Variants in FGF14 observed in about 807,000 individuals in gnomAD.
The protein encoded by FGF14 is fibroblast growth factor homologous factor 4.
FGF14 carries 5 observed loss-of-function variants against 25.5 expected under a neutral mutation model. That is an observed-to-expected ratio of 0.20 (90% CI 0.10 to 0.41). The LOEUF is 0.41. Among genes scored for constraint, FGF14 ranks in the 10% least tolerant of loss-of-function variants. The probability of loss-of-function intolerance (pLI) is 1.00; values close to 1 mark genes in which losing one functional copy is unlikely to be tolerated. For synonymous variants in FGF14, 138 were observed against 118.3 expected (o/e 1.17, Z -1.08); for missense variants, 222 against 320.1 (o/e 0.69, Z 2.34).
At chr13:102,216,078 A>G (rs2050358316) in intron 1 of FGF14, among the ~76,000 whole-genome samples, 1 of 152,230 alleles carries the variant, frequency 6.6e-6, no homozygotes, top group Admixed American at 6.5e-5. Flanking sequence ...GCAGTGGTAG[A>G]AAGAAAAACA....
At position 101,857,704 on chromosome 13, in the gene FGF14, G is replaced by A. The variant is rs138113653; in HGVS notation, c.408+11021C>T. 5.5e-4 allele frequency among the ~76,000 whole-genome samples: 84 copies of A among 152,050 alleles called. 2 individuals carry two copies. The South Asian group carries it at 0.016, about 28-fold the overall frequency. ...TTAGGTCCCACAAGACTGCATCTGC[G>A]TCTATCTTTGTCATCACTATTTTTC... On this transcript the variant is annotated intron_variant, in intron 3 of 4. Transcript: ENST00000376143.
At chr13:101,863,374 T>C (rs915002735) in intron 3 of FGF14, among the ~76,000 whole-genome samples, 3 of 152,108 alleles carry the variant, frequency 2.0e-5, no homozygotes, top group Admixed American at 2.0e-4. Flanking sequence ...CTGCCTGCAA[T>C]GGATGTTGAT....
intron 3 of FGF14, among the ~76,000 whole-genome samples, chr13:101,792,265 A>C (rs2040279859): frequency 6.6e-6 from 1 of 152,126 alleles, no homozygotes; most frequent in Non-Finnish European, 1.5e-5. Flanking sequence ...ATTTGAGGAA[A>C]AGAGCTGTGG....
At chr13:102,251,877 T>A (rs898050679) in intron 1 of FGF14, among the ~76,000 whole-genome samples, 5 of 152,164 alleles carry the variant, frequency 3.3e-5, no homozygotes, top group African/African-American at 1.2e-4. Context: ...CACACCCTTA[T>A]CTAAATATCA....
intron 1 of FGF14, among the ~76,000 whole-genome samples, chr13:101,993,592 G>A (rs1025168031): frequency 1.7e-4 from 26 of 152,022 alleles, no homozygotes; most frequent in African/African-American, 6.0e-4. Context: ...ACTCGAAGGG[G>A]CTTGCACTAC....
rs143007324 is a variant in FGF14 at position 102,095,062 on chromosome 13, G to A, written c.209-219766C>T. Among the ~76,000 whole-genome samples, 479 of 152,204 alleles carry A rather than the reference G, an allele frequency of 3.1e-3. 4 individuals carry two copies. The highest frequency in any genetic ancestry group is 5.0e-3 in the Non-Finnish European group (340 of 67,998). On this transcript the variant is annotated intron_variant, in intron 1 of 4. Coordinates refer to the FGF14 transcript ENST00000376131. The stretch of plus-strand genomic sequence containing the variant: ...GAAGGATCATACCATTGGAGATACC[G>A]TCATTGTTATAGAAAATGCCCTGAA...
chr13:101,894,340 G>A (rs982679379), intron 1 of FGF14, among the ~76,000 whole-genome samples: 1 of 152,072 alleles, frequency 6.6e-6, no homozygotes, highest in Non-Finnish European at 1.5e-5. Flanking sequence ...TAGCTTGCTG[G>A]TGCTTCTAAT....
At chr13:102,201,014 A>G (rs148402949) in intron 1 of FGF14, among the ~76,000 whole-genome samples, 1,640 of 146,494 alleles carry the variant, frequency 0.011, 26 homozygotes, top group African/African-American at 0.038. Context: ...AGGCAGGAGA[A>G]TGGCGTGAAC....
At chr13:101,895,755 G>T (rs924806680) in intron 1 of FGF14, among the ~76,000 whole-genome samples, 1 of 152,184 alleles carries the variant, frequency 6.6e-6, no homozygotes, top group Non-Finnish European at 1.5e-5. Flanking sequence ...AAAAATGAAA[G>T]GAGAGATTTG....
At chr13:102,326,895 G>A (rs1173352464) in intron 1 of FGF14, among the ~76,000 whole-genome samples, 1 of 152,184 alleles carries the variant, frequency 6.6e-6, no homozygotes, top group Non-Finnish European at 1.5e-5. Context: ...AGTAGAATAT[G>A]ATTTTGAAAC....
intron 1 of FGF14, among the ~76,000 whole-genome samples, chr13:101,895,887 G>A (rs190274635): frequency 6.6e-6 from 1 of 152,272 alleles, no homozygotes; most frequent in East Asian, 1.9e-4. Flanking sequence ...GTTTCCTGGT[G>A]AGCCTGAGGG....
At chr13:101,748,698 TG>T (rs1310573344) in intron 3 of FGF14, among the ~76,000 whole-genome samples, 2 of 146,880 alleles carry the variant, frequency 1.4e-5, no homozygotes, top group African/African-American at 5.1e-5. Flanking sequence ...GCATTGTTTG[TG>T]GAATTATAAA....
At position 101,714,336 on chromosome 13, in the gene FGF14, T is replaced by C; in HGVS notation, c.*8495A>G. The C allele has an allele frequency of 1.3e-6, 1 of 748,934 alleles. No individual in the cohort carries two copies. The highest frequency in any genetic ancestry group is 2.4e-6 in the Non-Finnish European group (1 of 414,132). The allele number at this position is 748,934 out of a possible 1,614,324, so 46.4% of individuals were successfully genotyped here. On this transcript the variant is annotated 3_prime_UTR_variant, in exon 5 of 5. Transcript: ENST00000376143. ...TCAATACACTTTTACCTTTGGATGA[T>C]GGGTTATTAGAAGCCTGTTGTCAGT...
chr13:102,360,662 C>T (rs2057539035), intron 1 of FGF14, among the ~76,000 whole-genome samples: 2 of 152,020 alleles, frequency 1.3e-5, no homozygotes, highest in Admixed American at 6.6e-5. Context: ...GAAAAATTAG[C>T]GAGAAGAATA....
At chr13:101,899,980 T>C (rs1450517044) in intron 1 of FGF14, among the ~76,000 whole-genome samples, 1 of 152,318 alleles carries the variant, frequency 6.6e-6, no homozygotes, top group Middle Eastern at 3.4e-3. Flanking sequence ...CAATTTGCTA[T>C]TTTATTTGTT....
At chr13:101,758,296 C>T (rs909237065) in intron 3 of FGF14, among the ~76,000 whole-genome samples, 4 of 152,174 alleles carry the variant, frequency 2.6e-5, no homozygotes, top group Non-Finnish European at 4.4e-5. Context: ...CTTTAGCATG[C>T]ATCAGAATCA....
intron 1 of FGF14, among the ~76,000 whole-genome samples, chr13:101,889,411 C>T (rs2046156792): frequency 6.6e-6 from 1 of 152,066 alleles, no homozygotes; most frequent in Non-Finnish European, 1.5e-5. Flanking sequence ...TTGATATTCA[C>T]TTTCTGTCTC....
In FGF14 at chr13:102,250,975, T is replaced by A. The variant is rs147657419; in HGVS notation, c.208+150496A>T. Among the ~76,000 whole-genome samples the A allele has an allele frequency of 7.8e-3, 1,188 of 152,344 alleles. 16 individuals carry two copies. Among genetic ancestry groups the A allele is most frequent in the African/African-American group, 0.027 (1,135 of 41,584 alleles). ...TCATTGAGAAATTAAGCATCTTACA[T>A]ACACGAATTTTCTGGATAACCAGAA... On this transcript the variant is annotated intron_variant, in intron 1 of 4. Transcript: ENST00000376131.
At chr13:101,937,737 C>T (rs1437857875) in intron 1 of FGF14, among the ~76,000 whole-genome samples, 2 of 152,096 alleles carry the variant, frequency 1.3e-5, no homozygotes, top group African/African-American at 4.8e-5. Flanking sequence ...GGAGCTGGGA[C>T]TACAGGTGCT....
Sources: allele counts gnomAD v4.1 joint callset (sites outside exome capture counted in the v4.1 genomes callset), GRCh38; gene constraint gnomAD v4.1.1; transcripts MANE v1.5; gene names NCBI Gene and HGNC (gene_info 2026-07-23, HGNC 2026-07-21).